The following CCDC93 variants were observed in gnomAD, a reference collection of about 807,000 sequenced individuals.
CCDC93 encodes the protein CCC complex scaffolding subunit CCDC93.
In CCDC93, 61 loss-of-function variants were observed where a neutral mutation model predicts 108.2. That is an observed-to-expected ratio of 0.56 (90% CI 0.46 to 0.70). The LOEUF (loss-of-function observed/expected upper bound fraction) is 0.70. CCDC93 is among the 30% of genes least tolerant of loss of function. The pLI, the probability that CCDC93 is intolerant of heterozygous loss-of-function variation, is 0.00. For missense variants in CCDC93, 685 were observed against 764.2 expected (o/e 0.90, Z 1.22); for synonymous variants, 276 against 260.4 (o/e 1.06, Z -0.58).
chr2:117,961,593 C>T (rs1330949314), intron 11 of CCDC93, among the ~76,000 whole-genome samples: 1 of 152,128 alleles, frequency 6.6e-6, no homozygotes, highest in Non-Finnish European at 1.5e-5. Flanking sequence ...ATTAAGCAAT[C>T]TAAATTTTTT....
At chr2:118,012,364 T>C (rs1677043086) in intron 1 of CCDC93, 1 of 152,230 alleles carries the variant, frequency 6.6e-6, no homozygotes, top group South Asian at 2.1e-4. Flanking sequence ...TACTAGCTTC[T>C]GAACTAAATG....
At chr2:117,924,628 G>C (rs1678011811) in intron 23 of CCDC93, among the ~76,000 whole-genome samples, 1 of 152,218 alleles carries the variant, frequency 6.6e-6, no homozygotes, top group African/African-American at 2.4e-5. Flanking sequence ...ATGGGACTAT[G>C]TGAAAAGACC....
In CCDC93 at chr2:117,922,854, G is replaced by C. The variant is rs1237670413; in HGVS notation, c.1843-2458C>G. On this transcript the variant is annotated intron_variant, in intron 23 of 23. Coordinates refer to ENST00000376300, the MANE Select transcript of CCDC93 (RefSeq NM_019044.5). Reference sequence around the variant, plus strand: ...GAACTAGTCTGGCTGAAGATATGGGGTAGAGGCTGTGGAGTAGCAAGCAAG... The same window carrying C: ...GAACTAGTCTGGCTGAAGATATGGGCTAGAGGCTGTGGAGTAGCAAGCAAG... Among the ~76,000 whole-genome samples the C allele has an allele frequency of 8.5e-5, 13 of 152,128 alleles. 1 individual carries two copies. Among genetic ancestry groups the C allele is most frequent in the African/African-American group, 3.1e-4 (13 of 41,412 alleles).
chr2:117,983,630 TTATATATATATATATATA>T (rs66879401), intron 7 of CCDC93, among the ~76,000 whole-genome samples: 5 of 98,570 alleles, frequency 5.1e-5, no homozygotes, highest in African/African-American at 1.6e-4. Flanking sequence ...CTGCTCAAAA[TTATATATATATATATATA>T]TATATATATA....
At chr2:117,977,338 G>A (rs1175721381) in intron 8 of CCDC93, among the ~76,000 whole-genome samples, 2 of 152,102 alleles carry the variant, frequency 1.3e-5, no homozygotes, top group South Asian at 2.1e-4. Flanking sequence ...CTCTCTGAGC[G>A]TTAGCTTTCT....
At chr2:117,976,116 C>A (rs1380761483) in intron 8 of CCDC93, among the ~76,000 whole-genome samples, 1 of 152,134 alleles carries the variant, frequency 6.6e-6, no homozygotes, top group African/African-American at 2.4e-5. Context: ...CTCTAGGATG[C>A]TTTTCTATAA....
At chr2:117,977,283 T>C (rs141863963) in intron 8 of CCDC93, among the ~76,000 whole-genome samples, 78 of 152,268 alleles carry the variant, frequency 5.1e-4, no homozygotes, top group African/African-American at 1.7e-3. Context: ...CAGATTCTTA[T>C]TAAGTTCACT....
intron 11 of CCDC93, among the ~76,000 whole-genome samples, chr2:117,961,957 C>T (rs1323758366): frequency 1.3e-5 from 2 of 152,174 alleles, no homozygotes; most frequent in South Asian, 2.1e-4. Context: ...AGATTAAGAA[C>T]GTGCTTTCAA....
At chr2:117,948,270 A>C in intron 14 of CCDC93, 84 bp from the exon 15 acceptor site, 1 of 899,112 alleles carries the variant, frequency 1.1e-6, no homozygotes, top group Non-Finnish European at 1.8e-6. Context: ...CGCAGCTAAA[A>C]AAGGACTCTC....
At chr2:117,983,630 T>TTTTATATATA (rs1262707425) in intron 7 of CCDC93, among the ~76,000 whole-genome samples, 15 of 98,610 alleles carry the variant, frequency 1.5e-4, no homozygotes, top group African/African-American at 4.8e-4. Context: ...CTGCTCAAAA[T>TTTTATATATA]TATATATATA....
chr2:117,953,541 T>C (rs992349811), intron 12 of CCDC93, among the ~76,000 whole-genome samples: 1 of 152,128 alleles, frequency 6.6e-6, no homozygotes, highest in African/African-American at 2.4e-5. Flanking sequence ...TGTTGATGTT[T>C]GCTATGGTCT....
rs962769003 is a variant in CCDC93, at chr2:117,937,440, T to C, written c.1606-701A>G. Among the ~76,000 whole-genome samples the C allele has an allele frequency of 2.0e-5, 3 of 152,222 alleles. 1 individual carries two copies. Among genetic ancestry groups the C allele is most frequent in the Admixed American group, 2.0e-4 (3 of 15,276 alleles). ...AACTTTAGGTTCACAGTCAGCAATG[T>C]AGAATATTTCTTGTCCTTAGTACTC... is the stretch of plus-strand genomic sequence containing the variant. On this transcript the variant is annotated intron_variant, in intron 20 of 23. Transcript: ENST00000376300.
At chr2:117,932,869 C>CT in intron 22 of CCDC93, among the ~76,000 whole-genome samples, 1 of 152,334 alleles carries the variant, frequency 6.6e-6, no homozygotes, top group South Asian at 2.1e-4. Context: ...TAGGACCTCA[C>CT]AGCTAGGTCC....
At chr2:117,968,084 T>C (rs1233538322) in intron 11 of CCDC93, among the ~76,000 whole-genome samples, 1 of 152,156 alleles carries the variant, frequency 6.6e-6, no homozygotes, top group Non-Finnish European at 1.5e-5. Flanking sequence ...TGTTCCAATA[T>C]CCTGTCTTAG....
chr2:117,973,938 G>C lies in CCDC93; in HGVS notation c.858C>G (p.Ile286Met). 1 of 1,612,320 alleles carries C rather than the reference G, an allele frequency of 6.2e-7. No individual in the cohort carries two copies. The highest frequency in any genetic ancestry group is 8.5e-7 in the Non-Finnish European group (1 of 1,179,226). ...GQIVGLCSAEIKQIVSEYAEK... is the reference protein window; with the variant it reads ...GQIVGLCSAEMKQIVSEYAEK... ...CTGCATACTCGGACACAATCTGCTT[G>C]ATCTCAGCAGAGCAGAGTCCCACAA... The change falls in exon 11 of 24, where the codon ATC becomes ATG. Residue 286 changes from isoleucine to methionine, a missense_variant. By Grantham distance (10) the Ile-to-Met change is conservative (BLOSUM62 1). Transcript: ENST00000376300.
intron 11 of CCDC93, among the ~76,000 whole-genome samples, chr2:117,967,627 A>ACCT (rs1423251524): frequency 4.9e-4 from 75 of 152,368 alleles, no homozygotes; most frequent in Middle Eastern, 6.8e-3. Context: ...CCACCTAGCC[A>ACCT]AGGAGAAAGA....
intron 3 of CCDC93, 95 bp downstream of exon 3, chr2:118,006,623 TAAAC>T: frequency 4.2e-6 from 3 of 710,382 alleles, no homozygotes; most frequent in Non-Finnish European, 7.6e-6. Flanking sequence ...AAAGTTAAAA[TAAAC>T]TATGTAAAGT....
At chr2:117,928,975 C>G (rs543916557) in intron 23 of CCDC93, among the ~76,000 whole-genome samples, 28 of 152,226 alleles carry the variant, frequency 1.8e-4, no homozygotes, top group African/African-American at 6.7e-4. Flanking sequence ...ATGGATGAAG[C>G]TGGAAACCAT....
At chr2:117,971,590 T>C (rs541114026) in intron 11 of CCDC93, among the ~76,000 whole-genome samples, 1 of 152,298 alleles carries the variant, frequency 6.6e-6, no homozygotes, top group South Asian at 2.1e-4. Flanking sequence ...GTCAGAAAAG[T>C]AATATTATTC....
Sources: allele counts gnomAD v4.1 joint callset (sites outside exome capture counted in the v4.1 genomes callset), GRCh38; gene constraint gnomAD v4.1.1; transcripts MANE v1.5; gene names NCBI Gene and HGNC (gene_info 2026-07-23, HGNC 2026-07-21).